Variants in RPA3 observed in about 807,000 individuals in gnomAD.
RPA3 encodes the protein replication protein A 14 kDa subunit.
A neutral mutation model predicts 13.7 loss-of-function variants in RPA3; 24 were observed. The ratio of observed to expected loss-of-function variants is 1.75; its 90% CI spans 1.27 to 2.46. The LOEUF (loss-of-function observed/expected upper bound fraction) is 2.46. Among genes scored for constraint, RPA3 ranks in the 30% most tolerant of loss-of-function variants. The pLI, the probability that RPA3 is intolerant of heterozygous loss-of-function variation, is 0.00. For missense variants in RPA3, 183 were observed against 151.0 expected, an observed-to-expected ratio of 1.21 and a Z score of -1.11; for synonymous variants, 59 against 51.2, an observed-to-expected ratio of 1.15 and a Z score of -0.65.
Position 7,640,389 on chromosome 7 carries a change from C to T in RPA3, c.30G>A (p.Ser10=), listed in dbSNP as rs1275922114. Reference sequence around the variant, plus strand: ...GAGCTAGCATGCCGGCGTTGATGCGCGACCTGGGCAAGTCCATCATGTCCA... The same window carrying T: ...GAGCTAGCATGCCGGCGTTGATGCGTGACCTGGGCAAGTCCATCATGTCCA... The part of the protein sequence containing the change: MVDMMDLPR[S]RINAGMLAQF... Residue 10 remains serine, a synonymous_variant, in exon 5 of 8, where the codon TCG becomes TCA. Coordinates refer to ENST00000223129, the MANE Select transcript of RPA3 (RefSeq NM_002947.5). 1 of 1,614,042 alleles carries T rather than the reference C, an allele frequency of 6.2e-7. No homozygotes were observed. Among genetic ancestry groups the T allele is most frequent in the South Asian group, 1.1e-5 (1 of 91,086 alleles).
chr7:7,700,468 G>A (rs968577586), intron 2 of RPA3, among the ~76,000 whole-genome samples: 1 of 152,174 alleles, frequency 6.6e-6, no homozygotes, highest in African/African-American at 2.4e-5. Flanking sequence ...GCTCATGCCT[G>A]TAATCCCAGT....
intron 2 of RPA3, among the ~76,000 whole-genome samples, chr7:7,700,993 T>A (rs1237471917): frequency 6.6e-6 from 1 of 152,112 alleles, no homozygotes; most frequent in African/African-American, 2.4e-5. Context: ...GAGGCTACAG[T>A]GAGCTATGAT....
chr7:7,656,741 A>T (rs1785353004), intron 4 of RPA3, among the ~76,000 whole-genome samples: 1 of 152,086 alleles, frequency 6.6e-6, no homozygotes, highest in South Asian at 2.1e-4. Flanking sequence ...TTTGGTTCCA[A>T]GTCTGCTGTT....
intron 4 of RPA3, among the ~76,000 whole-genome samples, chr7:7,674,603 C>T (rs917112654): frequency 5.3e-5 from 8 of 152,102 alleles, no homozygotes; most frequent in African/African-American, 1.4e-4. Context: ...TAGTCTTTGA[C>T]CAGGGCTGAT....
chr7:7,703,249 A>C (rs1275560034), intron 2 of RPA3, among the ~76,000 whole-genome samples: 1 of 152,224 alleles, frequency 6.6e-6, no homozygotes. Context: ...GCTTACAGTG[A>C]GGCTTCTATA....
At chr7:7,680,688 A>G (rs917185911) in intron 4 of RPA3, among the ~76,000 whole-genome samples, 3 of 150,832 alleles carry the variant, frequency 2.0e-5, no homozygotes, top group Non-Finnish European at 3.0e-5. Flanking sequence ...ATATCTTTCC[A>G]TTTTTTTTTA....
At chr7:7,643,969 G>A (rs140255185) in intron 4 of RPA3, among the ~76,000 whole-genome samples, 51 of 152,212 alleles carry the variant, frequency 3.4e-4, no homozygotes, top group Admixed American at 3.9e-4. Context: ...GACCCGTGAG[G>A]ATAGGCCACC....
intron 2 of RPA3, among the ~76,000 whole-genome samples, chr7:7,693,427 T>C (rs1038416309): frequency 1.3e-5 from 2 of 152,156 alleles, no homozygotes; most frequent in Admixed American, 6.5e-5. Context: ...TAGTAATGTA[T>C]AGACTTTCCA....
At chr7:7,696,054 G>A (rs962560512) in intron 2 of RPA3, among the ~76,000 whole-genome samples, 1 of 147,582 alleles carries the variant, frequency 6.8e-6, no homozygotes, top group Admixed American at 6.8e-5. Flanking sequence ...TGCCCAGGCT[G>A]GATTACAGTG....
chr7:7,696,755 A>G (rs973700244), intron 2 of RPA3, among the ~76,000 whole-genome samples: 3 of 152,132 alleles, frequency 2.0e-5, no homozygotes, highest in Admixed American at 2.0e-4. Context: ...GATTCTTGCC[A>G]ACTGGTTTAC....
At chr7:7,661,562 C>T (rs1022482359) in intron 4 of RPA3, among the ~76,000 whole-genome samples, 4 of 152,108 alleles carry the variant, frequency 2.6e-5, no homozygotes, top group African/African-American at 4.8e-5. Context: ...CTGACAGGCC[C>T]GTGTGCTGCA....
intron 4 of RPA3, among the ~76,000 whole-genome samples, chr7:7,642,452 C>G (rs893552315): frequency 7.3e-6 from 1 of 137,892 alleles, no homozygotes; most frequent in Non-Finnish European, 1.6e-5. Flanking sequence ...AGCCTTGGTG[C>G]GTACCCTGTA....
chr7:7,676,676 T>C (rs1266591074), intron 4 of RPA3, among the ~76,000 whole-genome samples: 7 of 152,176 alleles, frequency 4.6e-5, no homozygotes, highest in Non-Finnish European at 1.0e-4. Context: ...ACCCAAACTT[T>C]TTACTATTTA....
intron 2 of RPA3, chr7:7,689,567 G>A (rs1780124086): frequency 6.6e-6 from 1 of 152,116 alleles, no homozygotes. Context: ...TGCTTATAAT[G>A]CTATCTCCCT....
intron 4 of RPA3, among the ~76,000 whole-genome samples, chr7:7,650,475 G>A (rs1400644230): frequency 6.6e-6 from 1 of 152,116 alleles, no homozygotes; most frequent in African/African-American, 2.4e-5. Context: ...GTTTTAAATT[G>A]TGATTTTGCT....
intron 4 of RPA3, among the ~76,000 whole-genome samples, chr7:7,678,491 AT>A (rs1162213314): frequency 7.1e-6 from 1 of 140,924 alleles, no homozygotes; most frequent in Non-Finnish European, 1.5e-5. Flanking sequence ...TTTATAGATA[AT>A]ATATATTTAT....
intron 2 of RPA3, among the ~76,000 whole-genome samples, chr7:7,708,588 GT>G (rs1780667879): frequency 6.6e-6 from 1 of 152,158 alleles, no homozygotes; most frequent in Non-Finnish European, 1.5e-5. Flanking sequence ...TTAAAAATAA[GT>G]CAACATATTT....
At chr7:7,665,954 T>C (rs1475038074) in intron 4 of RPA3, among the ~76,000 whole-genome samples, 1 of 152,206 alleles carries the variant, frequency 6.6e-6, no homozygotes, top group Non-Finnish European at 1.5e-5. Flanking sequence ...TTGGGTTGTT[T>C]CCATTTTTTG....
intron 4 of RPA3, among the ~76,000 whole-genome samples, chr7:7,681,107 G>T (rs1050966442): frequency 1.3e-5 from 2 of 152,040 alleles, no homozygotes; most frequent in Non-Finnish European, 2.9e-5. Flanking sequence ...GATTATATTT[G>T]TAGCAACAAC....
Sources: gnomAD v4.1 joint callset for allele counts (sites outside exome capture counted in the v4.1 genomes callset) on GRCh38, gnomAD v4.1.1 for gene constraint, MANE v1.5 for transcripts, NCBI Gene and HGNC (gene_info 2026-07-23, HGNC 2026-07-21) for gene names.